Variants in HSPBAP1 observed in about 807,000 individuals in gnomAD.
The protein encoded by HSPBAP1 is HSPB1 associated protein 1.
HSPBAP1 carries 27 observed loss-of-function variants against 45.2 expected under a neutral mutation model. The ratio of observed to expected loss-of-function variants is 0.60; its 90% CI spans 0.44 to 0.82. The LOEUF is 0.82. Among genes scored for constraint, HSPBAP1 ranks in the 40% least tolerant of loss-of-function variants. HSPBAP1 has a pLI of 0.00. For synonymous variants in HSPBAP1, 204 were observed against 202.7 expected, an observed-to-expected ratio of 1.01 and a Z score of -0.06; for missense variants, 510 against 590.9, an observed-to-expected ratio of 0.86 and a Z score of 1.42.
intron 1 of HSPBAP1, among the ~76,000 whole-genome samples, chr3:122,785,608 G>A (rs973691685): frequency 5.3e-5 from 8 of 152,066 alleles, no homozygotes; most frequent in Non-Finnish European, 1.0e-4. Flanking sequence ...TTGGAGTTGG[G>A]CCCAATCTCT....
chr3:122,758,560 G>A (rs1216130251), intron 4 of HSPBAP1, among the ~76,000 whole-genome samples: 2 of 152,110 alleles, frequency 1.3e-5, no homozygotes, highest in African/African-American at 4.8e-5. Flanking sequence ...TAGATTTGAA[G>A]AAAGGGTGTT....
rs1576242419 is a variant in HSPBAP1 at position 122,753,901 on chromosome 3, T to C, written c.742-1227A>G. ...AAAACCAATCACTCAAATTTGGCTA[T>C]TAAACACAGAAGAGAAAATGAATTG... On this transcript the variant is annotated intron_variant, in intron 5 of 7. Transcript: ENST00000306103. 6.1e-6 allele frequency: 6 copies of C among 985,154 alleles called. No individual in the cohort carries two copies. The East Asian group carries it at 5.7e-4, about 93-fold the overall frequency. 61.0% of individuals were successfully genotyped at this position (985,154 alleles called of 1,614,324 possible). A position where few individuals can be genotyped will look rare whatever the true frequency, so the allele number is the denominator to read the frequency against.
chr3:122,765,044 GTAA>G (rs2107519273), intron 3 of HSPBAP1, among the ~76,000 whole-genome samples: 1 of 152,316 alleles, frequency 6.6e-6, no homozygotes, highest in Admixed American at 6.5e-5. Flanking sequence ...AGGTGATTTG[GTAA>G]TGAATAATGG....
At chr3:122,752,136 C>T (rs768096888) in intron 6 of HSPBAP1, among the ~76,000 whole-genome samples, 1 of 152,148 alleles carries the variant, frequency 6.6e-6, no homozygotes, top group African/African-American at 2.4e-5. Flanking sequence ...ATGATAAAAA[C>T]CTAGCACTGA....
intron 6 of HSPBAP1, among the ~76,000 whole-genome samples, chr3:122,746,084 C>T (rs1437125256): frequency 2.0e-5 from 3 of 151,942 alleles, no homozygotes; most frequent in African/African-American, 4.8e-5. Context: ...AATATATCCC[C>T]CGAGGATAAG....
At chr3:122,780,320 G>A (rs1347395132) in intron 1 of HSPBAP1, among the ~76,000 whole-genome samples, 2 of 112,878 alleles carry the variant, frequency 1.8e-5, no homozygotes, top group African/African-American at 3.4e-5. Context: ...GGGGCGGCTG[G>A]CCGGGCGGGG....
At position 122,748,185 on chromosome 3, in the gene HSPBAP1, G is replaced by A. The variant is rs185089031; in HGVS notation, c.825+4406C>T. Among the ~76,000 whole-genome samples, 525 of 152,186 alleles carry A rather than the reference G, an allele frequency of 3.4e-3. 4 individuals carry two copies. Among genetic ancestry groups the A allele is most frequent in the African/African-American group, 0.012 (478 of 41,526 alleles). On this transcript the variant is annotated intron_variant, in intron 6 of 7. Transcript: ENST00000306103. Reference sequence around the variant, plus strand: ...TGTTAAACAGACGCTTGAAGGCAGCGTGCTCGTTGAGAGTCATCACCACTC... The same window carrying A: ...TGTTAAACAGACGCTTGAAGGCAGCATGCTCGTTGAGAGTCATCACCACTC...
At chr3:122,790,377 A>C (rs72968310) in intron 1 of HSPBAP1, among the ~76,000 whole-genome samples, 19,551 of 152,122 alleles carry the variant, frequency 0.13, 1,447 homozygotes, top group Middle Eastern at 0.19. Context: ...TAGAATTGGT[A>C]TCCTCACCTG....
chr3:122,741,136 T>C (rs1322768553), intron 6 of HSPBAP1, 23 bp from the exon 7 acceptor site: 9 of 1,513,088 alleles, frequency 5.9e-6, no homozygotes, highest in African/African-American at 1.4e-5. Context: ...AACACGCTTT[T>C]AACTTCTGTT....
At chr3:122,775,256 G>C (rs1935151323) in intron 2 of HSPBAP1, among the ~76,000 whole-genome samples, 1 of 151,920 alleles carries the variant, frequency 6.6e-6, no homozygotes, top group Non-Finnish European at 1.5e-5. Context: ...ACTTAATAAG[G>C]GTAGTATCCA....
Position 122,740,261 on chromosome 3 carries a change from T to C in HSPBAP1, c.*84A>G, listed in dbSNP as rs908121255. The C allele has an allele frequency of 1.2e-6, 1 of 850,082 alleles. No homozygotes were observed. The allele number at this position is 850,082 out of a possible 1,614,324, so 52.7% of individuals were successfully genotyped here. ...ATTTACAAATGTGCAAACTGACCTT[T>C]TGCTGGTTCATCTTTATTTTAGTCA... On this transcript the variant is annotated 3_prime_UTR_variant, in exon 8 of 8. Transcript: ENST00000306103.
Position 122,740,677 on chromosome 3 carries a change from T to C in HSPBAP1, c.1135A>G (p.Thr379Ala), listed in dbSNP as rs1383417069. The part of the protein sequence containing the change: ...QTGSQNLTTG[T>A]DKPEAASPFG... ...GGACTTGCTGCCTCCGGTTTGTCTGTTCCTGTGGTCAAGTTCTGGCTACCT... is the reference window on the plus strand; with the variant it reads ...GGACTTGCTGCCTCCGGTTTGTCTGCTCCTGTGGTCAAGTTCTGGCTACCT... The change falls in exon 8 of 8, where the codon ACA (threonine) becomes GCA (alanine). Residue 379 changes from threonine (T) to alanine (A), a missense_variant. Physicochemically the swap from Thr to Ala is moderately conservative, Grantham distance 58 (BLOSUM62 0). Transcript: ENST00000306103. 1 of 1,614,002 alleles carries C rather than the reference T, an allele frequency of 6.2e-7. No individual in the cohort carries two copies. The highest frequency in any genetic ancestry group is 8.5e-7 in the Non-Finnish European group (1 of 1,179,948).
chr3:122,748,190 C>A (rs1159369183), intron 6 of HSPBAP1, among the ~76,000 whole-genome samples: 1 of 152,066 alleles, frequency 6.6e-6, no homozygotes. Context: ...GCAGCGTGCT[C>A]GTTGAGAGTC....
rs549215097 is a variant in HSPBAP1, at chr3:122,749,105, T to C, written c.825+3486A>G. Among the ~76,000 whole-genome samples, 3 of 151,734 alleles carry C rather than the reference T, an allele frequency of 2.0e-5. No homozygotes were observed. The East Asian group carries it at 5.8e-4, about 29-fold the overall frequency. On this transcript the variant is annotated intron_variant, in intron 6 of 7. Transcript: ENST00000306103. ...TGCACTTTGTACATATAAGACTGTT[T>C]ATATACTTATTTACATATATAAATA... is the stretch of plus-strand genomic sequence containing the variant.
intron 4 of HSPBAP1, among the ~76,000 whole-genome samples, chr3:122,757,213 GT>G (rs1276008890): frequency 1.3e-5 from 2 of 152,160 alleles, no homozygotes; most frequent in Admixed American, 1.3e-4. Flanking sequence ...ACTTCTCATG[GT>G]TCTGGATGCT....
At position 122,756,312 on chromosome 3, in the gene HSPBAP1, A is replaced by C. The variant is rs148994959; in HGVS notation, c.570-881T>G. 1.4e-4 allele frequency among the ~76,000 whole-genome samples: 22 copies of C among 152,262 alleles called. No individual in the cohort carries two copies. In the East Asian group the frequency reaches 4.2e-3, roughly 29 times the overall value. On this transcript the variant is annotated intron_variant, in intron 4 of 7. Coordinates refer to ENST00000306103, the MANE Select transcript of HSPBAP1 (RefSeq NM_024610.6). ...CAGCGGCTGCTGTTTTCGAACTAAG[A>C]AGTATATGCTGAAGTCTTATTTTGC...
At chr3:122,757,958 C>G (rs575680039) in intron 4 of HSPBAP1, among the ~76,000 whole-genome samples, 66 of 152,302 alleles carry the variant, frequency 4.3e-4, no homozygotes, top group Admixed American at 1.8e-3. Context: ...GCATCCACAG[C>G]GTGTAGCTAT....
intron 2 of HSPBAP1, among the ~76,000 whole-genome samples, chr3:122,773,242 A>C (rs1418275012): frequency 6.6e-6 from 1 of 152,140 alleles, no homozygotes; most frequent in Non-Finnish European, 1.5e-5. Flanking sequence ...TATCAGGAAA[A>C]AATACAAATT....
chr3:122,747,500 C>A (rs1933928763), intron 6 of HSPBAP1, among the ~76,000 whole-genome samples: 1 of 151,122 alleles, frequency 6.6e-6, no homozygotes, highest in African/African-American at 2.4e-5. Flanking sequence ...GGGGTCAGCC[C>A]CCCTCCCGGC....
Sources: allele counts gnomAD v4.1 joint callset (sites outside exome capture counted in the v4.1 genomes callset), GRCh38; gene constraint gnomAD v4.1.1; transcripts MANE v1.5; gene names NCBI Gene and HGNC (gene_info 2026-07-23, HGNC 2026-07-21).